The following SEC14L2 variants were observed in gnomAD, a reference collection of about 807,000 sequenced individuals.
SEC14L2 encodes the protein SEC14 like lipid binding 2.
In SEC14L2, 50 loss-of-function variants were observed where a neutral mutation model predicts 56.9. The ratio of observed to expected loss-of-function variants is 0.88; its 90% CI spans 0.70 to 1.11. SEC14L2 has a LOEUF of 1.11. SEC14L2 is among the 50% of genes most tolerant of loss of function. The pLI, the probability that SEC14L2 is intolerant of heterozygous loss-of-function variation, is 0.00. For synonymous variants in SEC14L2, 179 were observed against 188.5 expected (o/e 0.95, Z 0.41); for missense variants, 414 against 500.7 (o/e 0.83, Z 1.65).
intron 11 of SEC14L2, 26 bp downstream of exon 11, chr22:30,416,429 C>T (rs1601786158): frequency 6.2e-7 from 1 of 1,614,250 alleles, no homozygotes; most frequent in African/African-American, 1.3e-5. Flanking sequence ...TTGGCAATGC[C>T]TTGAAGCCCC....
intron 11 of SEC14L2, chr22:30,420,736 T>C (rs773338314): frequency 2.0e-4 from 31 of 152,240 alleles, no homozygotes; most frequent in Admixed American, 8.5e-4. Context: ...GTCTTAGGAT[T>C]AAATACAGGA....
intron 1 of SEC14L2, chr22:30,398,927 G>C: frequency 2.4e-6 from 1 of 408,598 alleles, no homozygotes; most frequent in East Asian, 7.4e-5. Context: ...TACTTCTACG[G>C]GTTGTGAGTG....
chr22:30,422,166 C>A, intron 11 of SEC14L2, 111 bp from the exon 12 acceptor site: 1 of 1,367,020 alleles, frequency 7.3e-7, no homozygotes, highest in Non-Finnish European at 1.0e-6. Context: ...CCTTCATCCC[C>A]ATGACCTGCC....
chr22:30,408,990 G>A, intron 5 of SEC14L2, 197 bp from the exon 6 acceptor site: 1 of 675,226 alleles, frequency 1.5e-6, no homozygotes, highest in Non-Finnish European at 2.8e-6. Flanking sequence ...AGAACACAGA[G>A]ACCTAGGCAG....
intron 2 of SEC14L2, among the ~76,000 whole-genome samples, chr22:30,403,690 C>T (rs947959743): frequency 6.6e-6 from 1 of 152,154 alleles, no homozygotes; most frequent in African/African-American, 2.4e-5. Context: ...CAGTTCGCCA[C>T]CACTCCTGTT....
At chr22:30,402,189 G>A (rs1272315590) in intron 2 of SEC14L2, among the ~76,000 whole-genome samples, 1 of 152,164 alleles carries the variant, frequency 6.6e-6, no homozygotes, top group African/African-American at 2.4e-5. Context: ...GGAAATTTTG[G>A]CCCAGCATTT....
intron 2 of SEC14L2, chr22:30,400,460 C>G (rs1353716687): frequency 6.6e-6 from 1 of 152,224 alleles, no homozygotes; most frequent in Non-Finnish European, 1.5e-5. Context: ...AGCCTGGTGC[C>G]CCAATCCCTG....
intron 2 of SEC14L2, among the ~76,000 whole-genome samples, chr22:30,401,186 GATTTATTTATTTATTT>G (rs55835116): frequency 9.2e-4 from 135 of 146,426 alleles, no homozygotes; most frequent in African/African-American, 2.9e-3. Context: ...GGTCTCAAGT[GATTTATTTATTTATTT>G]ATTTATTTAT....
At chr22:30,416,517 G>A (rs753540254) in intron 11 of SEC14L2, 114 bp downstream of exon 11, 1 of 1,578,692 alleles carries the variant, frequency 6.3e-7, no homozygotes, top group African/African-American at 1.3e-5. Flanking sequence ...GAAGTGGAAT[G>A]CCATCAGTTC....
At chr22:30,409,065 G>C (rs778855862) in intron 5 of SEC14L2, 122 bp from the exon 6 acceptor site, 1 of 891,768 alleles carries the variant, frequency 1.1e-6, no homozygotes, top group Admixed American at 1.8e-5. Flanking sequence ...GAAAACTCTA[G>C]GTCCGGCCCT....
chr22:30,399,741 A>C lies in SEC14L2; in HGVS notation c.130+23A>C, dbSNP rs1197675998. On this transcript the variant is annotated intron_variant, in intron 2 of 11. Coordinates refer to ENST00000615189, the MANE Select transcript of SEC14L2 (RefSeq NM_012429.5). The stretch of plus-strand genomic sequence containing the variant: ...GAGGTGAGGGAAGAGGGGCTGCGGG[A>C]GGCTGGGGCAGGGGCTTGTTCTGGG... 2.5e-6 allele frequency: 4 copies of C among 1,603,144 alleles called. No individual in the cohort carries two copies. The Admixed American group carries it at 6.7e-5, about 27-fold the overall frequency.
At position 30,416,254 on chromosome 22, in the gene SEC14L2, G is replaced by A; in HGVS notation, c.932G>A (p.Gly311Glu). 1.2e-6 allele frequency: 2 copies of A among 1,614,228 alleles called. No homozygotes were observed. Among genetic ancestry groups the A allele is most frequent in the Non-Finnish European group, 1.7e-6 (2 of 1,180,032 alleles). The change falls in exon 11 of 12, where the codon GGA becomes GAA. Residue 311 changes from glycine to glutamate, a missense_variant. By Grantham distance (98) the Gly-to-Glu change is moderately conservative. Transcript: ENST00000615189. ...TGCAGGTGGCAGTTTATGTCAGATGGAGCGGATGTTGGTTTTGGGATTTTC... is the reference window on the plus strand; with the variant it reads ...TGCAGGTGGCAGTTTATGTCAGATGAAGCGGATGTTGGTTTTGGGATTTTC... ...CVLRWQFMSD[G>E]ADVGFGIFLK...
intron 2 of SEC14L2, among the ~76,000 whole-genome samples, chr22:30,402,102 TCCCCCTACCCCAGTCCAC>T (rs1462495604): frequency 6.6e-6 from 1 of 151,704 alleles, no homozygotes; most frequent in Non-Finnish European, 1.5e-5. Context: ...TTCCATACCA[TCCCCCTACCCCAGTCCAC>T]CGCCCAGAGA....
rs374169140 is a variant in SEC14L2, at chr22:30,423,743, C to T, written c.*1336C>T. Reference sequence around the variant, plus strand: ...TAGCGCGGACCGGAAGGGGCCGAGGCTGCACGGGCCTCTGCCAGAACGCTC... The same window carrying T: ...TAGCGCGGACCGGAAGGGGCCGAGGTTGCACGGGCCTCTGCCAGAACGCTC... On this transcript the variant is annotated 3_prime_UTR_variant, in exon 12 of 12. Coordinates refer to ENST00000615189, the MANE Select transcript of SEC14L2 (RefSeq NM_012429.5). 13 of 152,318 alleles carry T rather than the reference C, an allele frequency of 8.5e-5. No individual in the cohort carries two copies. Among genetic ancestry groups the T allele is most frequent in the African/African-American group, 2.7e-4 (11 of 41,482 alleles). The allele number at this position is 152,318 out of a possible 1,614,324, so 9.4% of individuals were successfully genotyped here.
intron 2 of SEC14L2, among the ~76,000 whole-genome samples, chr22:30,404,259 G>A (rs958183251): frequency 6.6e-6 from 1 of 152,116 alleles, no homozygotes; most frequent in Admixed American, 6.6e-5. Context: ...TCCTCTAAAA[G>A]CTGTCCCATG....
intron 5 of SEC14L2, among the ~76,000 whole-genome samples, chr22:30,408,825 G>A (rs534273695): frequency 6.6e-6 from 1 of 152,350 alleles, no homozygotes; most frequent in African/African-American, 2.4e-5. Context: ...TGAGGGTTCA[G>A]GGTGCACAGA....
At position 30,401,720 on chromosome 22, in the gene SEC14L2, A is replaced by T. The variant is rs1933943547; in HGVS notation, c.130+2002A>T. On this transcript the variant is annotated intron_variant, in intron 2 of 11. Transcript: ENST00000615189. ...GTATCTTTAGTAGAGACGGGGTTTCACTATGTTGGCCAGCCTGGTCTCGAA... is the reference window on the plus strand; with the variant it reads ...GTATCTTTAGTAGAGACGGGGTTTCTCTATGTTGGCCAGCCTGGTCTCGAA... 3.5e-5 allele frequency among the ~76,000 whole-genome samples: 5 copies of T among 141,244 alleles called. No homozygotes were observed. In the South Asian group the frequency reaches 1.1e-3, roughly 32 times the overall value. The allele number at this position is 141,244 out of a possible 152,430, so 92.7% of individuals were successfully genotyped here.
At chr22:30,416,854 A>G in intron 11 of SEC14L2, 1 of 1,063,890 alleles carries the variant, frequency 9.4e-7, no homozygotes, top group Non-Finnish European at 1.1e-6. Flanking sequence ...TGACCAAAGA[A>G]TGGACACAGA....
At chr22:30,403,940 T>G (rs1311672483) in intron 2 of SEC14L2, among the ~76,000 whole-genome samples, 2 of 143,284 alleles carry the variant, frequency 1.4e-5, no homozygotes, top group African/African-American at 2.6e-5. Flanking sequence ...GAAGCGGAGC[T>G]TGCAGTGAGC....
Sources: gnomAD v4.1 joint callset for allele counts (sites outside exome capture counted in the v4.1 genomes callset) on GRCh38, gnomAD v4.1.1 for gene constraint, MANE v1.5 for transcripts, NCBI Gene and HGNC (gene_info 2026-07-23, HGNC 2026-07-21) for gene names.